Variants in LNX1 observed in about 807,000 individuals in gnomAD.
LNX1 encodes E3 ubiquitin-protein ligase LNX.
LNX1 carries 54 observed loss-of-function variants against 68.4 expected under a neutral mutation model. That is an observed-to-expected ratio of 0.79 (90% CI 0.63 to 0.99). The LOEUF (loss-of-function observed/expected upper bound fraction) is 0.99, where lower values mean the gene tolerates loss of function less well. Ranked by LOEUF, LNX1 falls within the 50% of genes least tolerant of loss-of-function variation. The pLI is 0.00. For synonymous variants in LNX1, 336 were observed against 350.0 expected, an observed-to-expected ratio of 0.96 and a Z score of 0.45; for missense variants, 906 against 926.4, an observed-to-expected ratio of 0.98 and a Z score of 0.29.
intron 9 of LNX1, among the ~76,000 whole-genome samples, chr4:53,468,698 T>A (rs1419459724): frequency 6.6e-6 from 1 of 152,138 alleles, no homozygotes; most frequent in African/African-American, 2.4e-5. Context: ...TCCTAGTCTC[T>A]GATAAAACAG....
At chr4:53,578,139 C>T (rs186374067) in intron 1 of LNX1, among the ~76,000 whole-genome samples, 274 of 152,278 alleles carry the variant, frequency 1.8e-3, no homozygotes, top group African/African-American at 6.3e-3. Flanking sequence ...CTCCCAGAAT[C>T]TTTCTTGATT....
chr4:53,507,296 C>A (rs771694877), intron 4 of LNX1, 21 bp downstream of exon 4: 26 of 1,610,426 alleles, frequency 1.6e-5, no homozygotes, highest in Non-Finnish European at 1.9e-5. Context: ...GTCCATCCAG[C>A]CTTATGGGGA....
chr4:53,522,820 C>T (rs73145488), intron 2 of LNX1, among the ~76,000 whole-genome samples: 2,778 of 152,196 alleles, frequency 0.018, 87 homozygotes, highest in African/African-American at 0.064. Context: ...CAAAACCAAA[C>T]CAAACCAAAC....
At chr4:53,636,179 C>CTTTTTTTTTTTTTTT (rs11440722) in intron 1 of LNX1, among the ~76,000 whole-genome samples, 1 of 85,224 alleles carries the variant, frequency 1.2e-5, no homozygotes, top group Non-Finnish European at 2.1e-5. Context: ...TCTATTACTC[C>CTTTTTTTTTTTTTTT]TTTTTTTTTT....
chr4:53,645,085 G>A (rs1053935410), intron 1 of LNX1, among the ~76,000 whole-genome samples: 1 of 152,030 alleles, frequency 6.6e-6, no homozygotes, highest in Non-Finnish European at 1.5e-5. Flanking sequence ...CAGTGTCCAC[G>A]CCAAAAAAGA....
chr4:53,557,730 A>T, intron 2 of LNX1: 2 of 907,456 alleles, frequency 2.2e-6, no homozygotes, highest in Non-Finnish European at 3.2e-6. Context: ...ATGCCGTTTT[A>T]AACTGCTGGC....
intron 2 of LNX1, among the ~76,000 whole-genome samples, chr4:53,564,816 G>A (rs978838621): frequency 2.2e-4 from 34 of 152,238 alleles, no homozygotes; most frequent in African/African-American, 8.0e-4. Context: ...GCAGGGCGAG[G>A]CATTGCCTCA....
chr4:53,513,475 C>T (rs368587411), intron 2 of LNX1, among the ~76,000 whole-genome samples: 1 of 152,096 alleles, frequency 6.6e-6, no homozygotes, highest in African/African-American at 2.4e-5. Flanking sequence ...ATCAAACTGC[C>T]CATTCCATGT....
intron 1 of LNX1, among the ~76,000 whole-genome samples, chr4:53,637,892 A>G (rs1484076081): frequency 6.6e-6 from 1 of 152,138 alleles, no homozygotes; most frequent in Non-Finnish European, 1.5e-5. Context: ...CTTCAACCCA[A>G]TGGACTCCAC....
upstream of LNX1, among the ~76,000 whole-genome samples, chr4:53,594,423 A>G (rs17083154): frequency 7.2e-3 from 1,103 of 152,210 alleles, 8 homozygotes; most frequent in African/African-American, 0.025. Flanking sequence ...CCATAAGAAC[A>G]TGGAACTGCA....
At chr4:53,532,477 TA>T (rs1178852438) in intron 2 of LNX1, among the ~76,000 whole-genome samples, 1 of 151,252 alleles carries the variant, frequency 6.6e-6, no homozygotes, top group Admixed American at 6.6e-5. Flanking sequence ...ATAAATAAAA[TA>T]AAAAAAAGAA....
At chr4:53,601,802 A>C (rs1371802659) in intron 2 of LNX1, among the ~76,000 whole-genome samples, 1 of 152,126 alleles carries the variant, frequency 6.6e-6, no homozygotes, top group African/African-American at 2.4e-5. Flanking sequence ...AGGATAAAGG[A>C]ATAAGGAACC....
intron 5 of LNX1, 41 bp from the exon 6 acceptor site, chr4:53,496,435 C>T (rs200643292): frequency 1.9e-6 from 3 of 1,550,538 alleles, no homozygotes; most frequent in Non-Finnish European, 2.6e-6. Flanking sequence ...GCTCCACCTG[C>T]CACAACCCTT....
At chr4:53,495,927 C>T in intron 6 of LNX1, 96 bp downstream of exon 6, 1 of 1,406,782 alleles carries the variant, frequency 7.1e-7, no homozygotes, top group Admixed American at 1.9e-5. Flanking sequence ...CTGCATGACA[C>T]ATGTGGTAGT....
At chr4:53,481,621 T>TA (rs1377667364) in intron 7 of LNX1, 99 bp downstream of exon 7, 16 of 1,350,702 alleles carry the variant, frequency 1.2e-5, no homozygotes, top group Non-Finnish European at 1.5e-5. Flanking sequence ...TTTCTTTAAG[T>TA]AAAAAAGTCC....
chr4:53,502,121 T>TATA (rs1265384587), intron 4 of LNX1: 3 of 152,034 alleles, frequency 2.0e-5, no homozygotes, highest in African/African-American at 4.8e-5. Flanking sequence ...GACTAAAGGA[T>TATA]ATAATAATAA....
chr4:53,504,098 G>T (rs1010525280), intron 4 of LNX1, among the ~76,000 whole-genome samples: 1 of 152,168 alleles, frequency 6.6e-6, no homozygotes, highest in Non-Finnish European at 1.5e-5. Flanking sequence ...TCATGCCACT[G>T]CACTCCAACC....
intron 2 of LNX1, among the ~76,000 whole-genome samples, chr4:53,535,860 G>A (rs1162406408): frequency 6.6e-6 from 1 of 152,162 alleles, no homozygotes; most frequent in East Asian, 1.9e-4. Flanking sequence ...CTAACTGTAT[G>A]TCTACATTTG....
chr4:53,476,831 G>T lies in LNX1; in HGVS notation c.1814C>A (p.Ala605Glu). 6.2e-7 allele frequency: 1 copy of T among 1,614,184 alleles called. No individual in the cohort carries two copies. The highest frequency in any genetic ancestry group is 8.5e-7 in the Non-Finnish European group (1 of 1,180,028). ...CATGTTGTGGTTGGAGTCCAGGGCT[G>T]CTGGGCTGCTGCAGTCTTCCTGGGG... ...YEPQEDCSSP[A>E]ALDSNHNMAP... is the part of the protein sequence containing the mutation. Residue 605 changes from alanine (A) to glutamate (E), a missense_variant, in exon 9 of 11, where the codon GCA becomes GAA. Transcript: ENST00000263925.
Sources: allele counts gnomAD v4.1 joint callset (sites outside exome capture counted in the v4.1 genomes callset), GRCh38; gene constraint gnomAD v4.1.1; transcripts MANE v1.5; gene names NCBI Gene and HGNC (gene_info 2026-07-23, HGNC 2026-07-21).